PRCD: variants seen among roughly 807,000 people sequenced by gnomAD.
PRCD encodes photoreceptor disc component.
PRCD carries 12 observed loss-of-function variants against 10.1 expected under a neutral mutation model. That is an observed-to-expected ratio of 1.18 (90% CI 0.76 to 1.92). The LOEUF is 1.92. PRCD is among the 40% of genes most tolerant of loss of function. The probability of loss-of-function intolerance (pLI) is 0.00; values close to 1 mark genes in which losing one functional copy is unlikely to be tolerated. For missense variants in PRCD, 61 were observed against 72.2 expected, an observed-to-expected ratio of 0.84 and a Z score of 0.56; for synonymous variants, 31 against 26.2, an observed-to-expected ratio of 1.18 and a Z score of -0.56.
chr17:76,534,618 T>C (rs1245215689), intron 1 of PRCD, among the ~76,000 whole-genome samples: 2 of 152,278 alleles, frequency 1.3e-5, no homozygotes, highest in East Asian at 1.9e-4. Flanking sequence ...GGCACTGTTT[T>C]AATCCCCATC....
chr17:76,529,844 T>C (rs1311095563), intron 1 of PRCD: 16 of 985,074 alleles, frequency 1.6e-5, no homozygotes, highest in Non-Finnish European at 1.9e-5. Context: ...TGTGCACATC[T>C]GGAGTTGGCT....
Position 76,530,523 on chromosome 17 carries a change from C to G in PRCD, n.45+2690C>G, listed in dbSNP as rs1232805180. The stretch of plus-strand genomic sequence containing the variant: ...CCTCGTGATCCTCCGGGCTCTAGCC[C>G]TATTGAGGCAGAGGGCATTTAGCAG... On this transcript the variant is annotated intron_variant and non_coding_transcript_variant, in intron 1 of 4. Transcript: ENST00000397633. This position sits in a 1 kb window ranked among gnomAD's most constrained non-coding sequence, Gnocchi z 6.1. 1.3e-5 allele frequency among the ~76,000 whole-genome samples: 2 copies of G among 152,162 alleles called. No individual in the cohort carries two copies. Among genetic ancestry groups the G allele is most frequent in the Non-Finnish European group, 2.9e-5 (2 of 68,018 alleles).
At chr17:76,547,906 A>G (rs2075070080), downstream of PRCD, among the ~76,000 whole-genome samples, 1 of 128,022 alleles carries the variant, frequency 7.8e-6, no homozygotes, top group South Asian at 2.5e-4. Flanking sequence ...GACACACATA[A>G]CACATTCACA....
In PRCD at chr17:76,544,448, G is replaced by A. The variant is rs1218542013; in HGVS notation, c.*798G>A. On this transcript the variant is annotated 3_prime_UTR_variant, in exon 5 of 5. Coordinates refer to ENST00000592014, the MANE Select transcript of PRCD (RefSeq NM_001077620.3). ...GGAGGAGGTGCACCCCGCTGGGGAG[G>A]GCCTGCTGGTACCTCGGGGAGCCTG... 3 of 455,106 alleles carry A rather than the reference G, an allele frequency of 6.6e-6. No homozygotes were observed. The highest frequency in any genetic ancestry group is 2.3e-5 in the Admixed American group (1 of 42,594). The allele number at this position is 455,106 out of a possible 1,614,324, so 28.2% of individuals were successfully genotyped here.
At chr17:76,552,899 A>ATGT (rs1567917489) in intron 1 of PRCD, 2 of 109,006 alleles carry the variant, frequency 1.8e-5, no homozygotes, top group African/African-American at 3.9e-5. Flanking sequence ...TATATATATA[A>ATGT]AAATATATAT....
At position 76,545,045 on chromosome 17, in the gene PRCD, C is replaced by A. The variant is rs1392499396; in HGVS notation, c.*1395C>A. 2.2e-6 allele frequency: 1 copy of A among 452,512 alleles called. No individual in the cohort carries two copies. The highest frequency in any genetic ancestry group is 2.4e-5 in the Admixed American group (1 of 42,464). 28.0% of individuals were successfully genotyped at this position (452,512 alleles called of 1,614,324 possible). On this transcript the variant is annotated 3_prime_UTR_variant, in exon 5 of 5. Transcript: ENST00000592014. ...GGAGGTTGCCTGGGCAGCTGGGGTG[C>A]CATGTGGGCCGGGTGGGGGGGCTGT...
intron 1 of PRCD, chr17:76,552,899 A>AATATATATATATATATATAT (rs1394224275): frequency 9.2e-6 from 1 of 109,006 alleles, no homozygotes; most frequent in African/African-American, 3.9e-5. Flanking sequence ...TATATATATA[A>AATATATATATATATATATAT]AAATATATAT....
At chr17:76,529,805 C>A (rs1302726156) in intron 1 of PRCD, 36 of 985,360 alleles carry the variant, frequency 3.7e-5, no homozygotes, top group Non-Finnish European at 4.3e-5. Flanking sequence ...CCCATTGACT[C>A]CCAGGTCTCA....
At chr17:76,541,357 C>G (rs1389269440) in intron 2 of PRCD, among the ~76,000 whole-genome samples, 1 of 152,202 alleles carries the variant, frequency 6.6e-6, no homozygotes, top group Non-Finnish European at 1.5e-5. Flanking sequence ...TAAAAAAGAT[C>G]CGATGACATC....
downstream of PRCD, chr17:76,545,520 T>C (rs2075046113): frequency 2.6e-6 from 1 of 381,948 alleles, no homozygotes; most frequent in African/African-American, 2.1e-5. Context: ...TGGGGTCCCT[T>C]CTGGTCTAGG....
rs1598216641 is a variant in PRCD, at chr17:76,545,225, A to G, written c.*1575A>G. 2.2e-6 allele frequency: 1 copy of G among 456,616 alleles called. No homozygotes were observed. Among genetic ancestry groups the G allele is most frequent in the Non-Finnish European group, 4.4e-6 (1 of 226,950 alleles). 28.3% of individuals were successfully genotyped at this position (456,616 alleles called of 1,614,324 possible). A position where few individuals can be genotyped will look rare whatever the true frequency, so the allele number is the denominator to read the frequency against. ...TTTGCAGCTCCTGCTGCAGAAAGTTACCTCTCTCAGCCTAGAGCTCCCCAC... is the reference window on the plus strand; with the variant it reads ...TTTGCAGCTCCTGCTGCAGAAAGTTGCCTCTCTCAGCCTAGAGCTCCCCAC... On this transcript the variant is annotated 3_prime_UTR_variant, in exon 5 of 5. Transcript: ENST00000592014.
upstream of PRCD, among the ~76,000 whole-genome samples, chr17:76,535,263 G>A (rs749653586): frequency 1.8e-4 from 28 of 152,330 alleles, no homozygotes; most frequent in Non-Finnish European, 3.4e-4. Flanking sequence ...CTGGCCTGGC[G>A]CAGTGGGGAG....
At chr17:76,548,100 CAG>C (rs2075072944), downstream of PRCD, among the ~76,000 whole-genome samples, 2 of 151,750 alleles carry the variant, frequency 1.3e-5, no homozygotes, top group Non-Finnish European at 2.9e-5. Context: ...AACAGACACA[CAG>C]AAACACACAC....
chr17:76,532,779 C>T (rs1261873606), intron 1 of PRCD, among the ~76,000 whole-genome samples: 1 of 152,096 alleles, frequency 6.6e-6, no homozygotes, highest in Non-Finnish European at 1.5e-5. Flanking sequence ...TCAGGCGATC[C>T]GCCTGCCTCA....
Position 76,544,711 on chromosome 17 carries a change from C to A in PRCD, c.*1061C>A, listed in dbSNP as rs552803584. Reference sequence around the variant, plus strand: ...GCTGAGGGCCAGAGGGCACTGTTCCCGGGACCCAGTCTGTGTTCCCCGATC... The same window carrying A: ...GCTGAGGGCCAGAGGGCACTGTTCCAGGGACCCAGTCTGTGTTCCCCGATC... On this transcript the variant is annotated 3_prime_UTR_variant, in exon 5 of 5. Transcript: ENST00000592014. 4.4e-6 allele frequency: 2 copies of A among 456,796 alleles called. No homozygotes were observed. The highest frequency in any genetic ancestry group is 8.8e-6 in the Non-Finnish European group (2 of 226,980). The allele number at this position is 456,796 out of a possible 1,614,324, so 28.3% of individuals were successfully genotyped here.
Position 76,528,106 on chromosome 17 carries a change from A to C in PRCD, n.45+273A>C. 1 of 406,948 alleles carries C rather than the reference A, an allele frequency of 2.5e-6. No homozygotes were observed. The allele number at this position is 406,948 out of a possible 1,614,324, so 25.2% of individuals were successfully genotyped here. A position where few individuals can be genotyped will look rare whatever the true frequency, so the allele number is the denominator to read the frequency against. On this transcript the variant is annotated intron_variant and non_coding_transcript_variant, in intron 1 of 4. Coordinates refer to the PRCD transcript ENST00000397633. The surrounding 1 kb of genome is among the most constrained non-coding windows in gnomAD (Gnocchi z 5.8). ...TCTGGGCGCCGCGGATACACATTCT[A>C]GATATGTATGTGTGTATATATATAT...
chr17:76,542,661 G>A (rs2143161790), intron 3 of PRCD, 28 bp downstream of exon 3: 1 of 1,471,748 alleles, frequency 6.8e-7, no homozygotes, highest in South Asian at 1.1e-5. Flanking sequence ...GCCGGGGAGG[G>A]CAGAGGGCAA....
Position 76,531,603 on chromosome 17 carries a change from G to A in PRCD, n.45+3770G>A, listed in dbSNP as rs1390917954. On this transcript the variant is annotated intron_variant and non_coding_transcript_variant, in intron 1 of 4. Transcript: ENST00000397633. The surrounding 1 kb of genome is among the most constrained non-coding windows in gnomAD (Gnocchi z 7.4). ...ATGACTCGGCAGGCGTGCTTCCGCA[G>A]CTGGGGGCTCCGCTCCATCTCCAGG... 18 of 1,613,744 alleles carry A rather than the reference G, an allele frequency of 1.1e-5. No individual in the cohort carries two copies. The South Asian group carries it at 1.9e-4, about 17-fold the overall frequency.
upstream of PRCD, chr17:76,538,451 C>G (rs990123306): frequency 6.4e-6 from 3 of 466,298 alleles, no homozygotes; most frequent in African/African-American, 6.0e-5. Flanking sequence ...GCCCTCGGTG[C>G]ACGAACGCGG....
Sources: allele counts gnomAD v4.1 joint callset (sites outside exome capture counted in the v4.1 genomes callset), GRCh38; gene constraint gnomAD v4.1.1; non-coding constraint Gnocchi (gnomAD v3.1); transcripts MANE v1.5; gene names NCBI Gene and HGNC (gene_info 2026-07-23, HGNC 2026-07-21).